MTMR7: variants seen among roughly 807,000 people sequenced by gnomAD.
The protein encoded by MTMR7 is phosphatidylinositol-3-phosphate phosphatase MTMR7.
MTMR7 carries 76 observed loss-of-function variants against 81.2 expected under a neutral mutation model. The observed-to-expected ratio is 0.94, with a 90% CI of 0.78 to 1.13. MTMR7 has a LOEUF of 1.13. MTMR7 is among the 50% of genes most tolerant of loss of function. The pLI is 0.00. For synonymous variants in MTMR7, 372 were observed against 289.8 expected, an observed-to-expected ratio of 1.28 and a Z score of -2.88; for missense variants, 1,044 against 820.0, an observed-to-expected ratio of 1.27 and a Z score of -3.34.
Position 17,364,021 on chromosome 8 carries a change from A to ATT in MTMR7, c.311-2749_311-2748dup, listed in dbSNP as rs36217265. Among the ~76,000 whole-genome samples the ATT allele has an allele frequency of 9.4e-3, 671 of 71,016 alleles. 76 individuals are homozygous for ATT. Among genetic ancestry groups the ATT allele is most frequent in the African/African-American group, 0.022 (461 of 21,410 alleles). The allele number at this position is 71,016 out of a possible 152,430, so 46.6% of individuals were successfully genotyped here. A position where few individuals can be genotyped will look rare whatever the true frequency, so the allele number is the denominator to read the frequency against. On this transcript the variant is annotated intron_variant, in intron 3 of 13. Transcript: ENST00000180173. ...TTCTGGGGTAAAAAGTGTTGCTATT[A>ATT]TTTTTTTTTTTTTTTTTTTTTTTTT...
chr8:17,316,109 T>A (rs912298114), intron 7 of MTMR7, among the ~76,000 whole-genome samples: 8 of 152,202 alleles, frequency 5.3e-5, no homozygotes, highest in African/African-American at 1.9e-4. Flanking sequence ...CTTTTTGTCC[T>A]TTCACTACTT....
chr8:17,317,425 C>G (rs1234540211), intron 7 of MTMR7, among the ~76,000 whole-genome samples: 3 of 152,172 alleles, frequency 2.0e-5, no homozygotes, highest in Admixed American at 6.5e-5. Context: ...ACAGCTGGGG[C>G]AGTAACCATG....
chr8:17,379,627 A>G (rs1406634584), intron 1 of MTMR7, among the ~76,000 whole-genome samples: 1 of 152,220 alleles, frequency 6.6e-6, no homozygotes, highest in African/African-American at 2.4e-5. Context: ...CCTTTTTAAA[A>G]CTAGGAAACA....
Position 17,413,343 on chromosome 8 carries a change from C to A in MTMR7, c.-51G>T. ...GGGCGGGCGCGGCCTCACGCACCTG[C>A]GCGCCTCTGCGGCGCGATGGGAGGG... On this transcript the variant is annotated 5_prime_UTR_variant, in exon 1 of 14. Coordinates refer to ENST00000180173, the MANE Select transcript of MTMR7 (RefSeq NM_004686.5). 2 of 1,501,660 alleles carry A rather than the reference C, an allele frequency of 1.3e-6. No homozygotes were observed. Among genetic ancestry groups the A allele is most frequent in the Non-Finnish European group, 1.8e-6 (2 of 1,125,412 alleles). 93.0% of individuals were successfully genotyped at this position (1,501,660 alleles called of 1,614,324 possible).
chr8:17,387,626 A>G (rs905383706), intron 1 of MTMR7, among the ~76,000 whole-genome samples: 15 of 152,356 alleles, frequency 9.8e-5, no homozygotes, highest in Non-Finnish European at 2.2e-4. Context: ...AATTTGACAG[A>G]AAATTTAAGT....
At chr8:17,370,388 G>A (rs1297685521) in intron 3 of MTMR7, among the ~76,000 whole-genome samples, 2 of 151,476 alleles carry the variant, frequency 1.3e-5, no homozygotes, top group East Asian at 3.9e-4. Context: ...GGGTGTGGTG[G>A]TGGGCACCTG....
At chr8:17,390,997 G>C (rs1160205788) in intron 1 of MTMR7, among the ~76,000 whole-genome samples, 3 of 152,210 alleles carry the variant, frequency 2.0e-5, no homozygotes, top group African/African-American at 7.2e-5. Flanking sequence ...AACATAATTA[G>C]ATATTTCAGT....
intron 4 of MTMR7, among the ~76,000 whole-genome samples, chr8:17,360,692 G>A (rs1193303392): frequency 2.6e-5 from 4 of 151,994 alleles, no homozygotes; most frequent in Admixed American, 1.3e-4. Context: ...TGGTGACCTT[G>A]TGTACCAAGC....
At chr8:17,357,635 G>C (rs1819935863) in intron 4 of MTMR7, among the ~76,000 whole-genome samples, 1 of 152,138 alleles carries the variant, frequency 6.6e-6, no homozygotes, top group Non-Finnish European at 1.5e-5. Context: ...TTCACTCAAA[G>C]TCGCAGTTTC....
chr8:17,318,419 C>T (rs1197953880), intron 7 of MTMR7, among the ~76,000 whole-genome samples: 5 of 152,236 alleles, frequency 3.3e-5, no homozygotes, highest in Middle Eastern at 3.4e-3. Flanking sequence ...AAAAAAGGTA[C>T]AGGATGAGCA....
rs139657139 is a variant in MTMR7 at position 17,312,774 on chromosome 8, C to A, written c.975+518G>T. Among the ~76,000 whole-genome samples the A allele has an allele frequency of 3.1e-3, 475 of 152,122 alleles. 5 individuals are homozygous for A. The highest frequency in any genetic ancestry group is 0.011 in the African/African-American group (466 of 41,492). On this transcript the variant is annotated intron_variant, in intron 8 of 13. Transcript: ENST00000180173. ...CCATGGCATCAGGGAAGATATGGTT[C>A]TCTTTAGGTATAAATCCAAGGTATT...
intron 9 of MTMR7, among the ~76,000 whole-genome samples, chr8:17,310,816 C>G (rs1181605232): frequency 1.3e-5 from 2 of 152,196 alleles, no homozygotes; most frequent in African/African-American, 2.4e-5. Flanking sequence ...ATTCATGATT[C>G]ACTGAAGCAC....
At position 17,309,278 on chromosome 8, in the gene MTMR7, G is replaced by T; in HGVS notation, c.1150C>A (p.Arg384=). The T allele has an allele frequency of 6.6e-7, 1 of 1,526,712 alleles. No individual in the cohort carries two copies. The allele number at this position is 1,526,712 out of a possible 1,614,324, so 94.6% of individuals were successfully genotyped here. A position where few individuals can be genotyped will look rare whatever the true frequency, so the allele number is the denominator to read the frequency against. ...AAAACAGTCTTAAATATTACTTACC[G>T]GTGATTAAACTTATGACCAAAGGAA... ...WISFGHKFNH[R]YGNLDGDPKE... Residue 384 remains arginine, a splice_region_variant and synonymous_variant, in exon 10 of 14, where the codon CGA becomes AGA. Transcript: ENST00000180173.
At position 17,341,488 on chromosome 8, in the gene MTMR7, AGATG is replaced by A; in HGVS notation, c.603_606del (p.Ile202AlafsTer15). On this transcript the variant is annotated frameshift_variant, in exon 6 of 14. Transcript: ENST00000180173. LOFTEE classifies it high-confidence loss of function. ...CCGGACAGGGGCTGGCTGCTCCGGCAGATGGAGGCCTAGGGGGAGAGGTCACAGC... is the reference window on the plus strand; with the variant it reads ...CCGGACAGGGGCTGGCTGCTCCGGCAGAGGCCTAGGGGGAGAGGTCACAGC... 6.2e-7 allele frequency: 1 copy of A among 1,613,792 alleles called. No individual in the cohort carries two copies. Among genetic ancestry groups the A allele is most frequent in the Non-Finnish European group, 8.5e-7 (1 of 1,180,030 alleles).
chr8:17,366,785 T>G (rs553727560), intron 3 of MTMR7, among the ~76,000 whole-genome samples: 6 of 149,682 alleles, frequency 4.0e-5, no homozygotes, highest in Non-Finnish European at 8.9e-5. Context: ...ACTCGGGAGG[T>G]TGAGGCAGAA....
At chr8:17,409,706 A>G (rs1316803010) in intron 1 of MTMR7, among the ~76,000 whole-genome samples, 1 of 152,224 alleles carries the variant, frequency 6.6e-6, no homozygotes, top group Non-Finnish European at 1.5e-5. Flanking sequence ...AGGGGAAAAC[A>G]CAAGGTGTTA....
chr8:17,366,576 T>G (rs954278264), intron 3 of MTMR7, among the ~76,000 whole-genome samples: 13 of 152,092 alleles, frequency 8.5e-5, no homozygotes, highest in Admixed American at 3.3e-4. Context: ...TTATGCTGAA[T>G]TCAGGCAACT....
In MTMR7 at chr8:17,304,533, A is replaced by G. The variant is rs1449671207; in HGVS notation, c.1353-14T>C. On this transcript the variant is annotated splice_polypyrimidine_tract_variant and intron_variant, in intron 11 of 13. Coordinates refer to ENST00000180173, the MANE Select transcript of MTMR7 (RefSeq NM_004686.5). ...CTTTCTTGAATCCTGTTATAAAGAA[A>G]ATAAGTCTATAAATGACCTATTTTG... is the stretch of plus-strand genomic sequence containing the variant. The G allele has an allele frequency of 6.2e-7, 1 of 1,610,840 alleles. No individual in the cohort carries two copies. Among genetic ancestry groups the G allele is most frequent in the African/African-American group, 1.3e-5 (1 of 74,860 alleles).
chr8:17,321,374 C>A (rs1158786819), intron 7 of MTMR7, among the ~76,000 whole-genome samples: 2 of 152,214 alleles, frequency 1.3e-5, no homozygotes, highest in Non-Finnish European at 2.9e-5. Flanking sequence ...CATGTCAGCA[C>A]TAACAAGGCT....
Sources: allele counts gnomAD v4.1 joint callset (sites outside exome capture counted in the v4.1 genomes callset), GRCh38; gene constraint gnomAD v4.1.1; transcripts MANE v1.5; gene names NCBI Gene and HGNC (gene_info 2026-07-23, HGNC 2026-07-21).